CSMD1: variants seen among roughly 807,000 people sequenced by gnomAD.
CSMD1 encodes the protein CUB and sushi domain-containing protein 1.
CSMD1 carries 213 observed loss-of-function variants against 417.5 expected under a neutral mutation model. The observed-to-expected ratio is 0.51, with a 90% CI of 0.46 to 0.57. The LOEUF is 0.57. Ranked by LOEUF, CSMD1 falls within the 20% of genes least tolerant of loss-of-function variation. The pLI, the probability that CSMD1 is intolerant of heterozygous loss-of-function variation, is 0.00. For missense variants in CSMD1, 6,923 were observed against 4,529.7 expected, an observed-to-expected ratio of 1.53 and a Z score of -15.17; for synonymous variants, 2,862 against 1,736.8, an observed-to-expected ratio of 1.65 and a Z score of -16.11.
intron 5 of CSMD1, among the ~76,000 whole-genome samples, chr8:3,797,957 T>C (rs1379871460): frequency 6.6e-6 from 1 of 152,044 alleles, no homozygotes; most frequent in Non-Finnish European, 1.5e-5. Flanking sequence ...CTCATAACTA[T>C]TTACTGGCAT....
chr8:4,921,396 C>A (rs1157945399), intron 1 of CSMD1, among the ~76,000 whole-genome samples: 1 of 152,068 alleles, frequency 6.6e-6, no homozygotes, highest in Non-Finnish European at 1.5e-5. Context: ...TAATATGAAA[C>A]ATGTATAATG....
At chr8:4,255,744 A>T (rs554301339) in intron 3 of CSMD1, among the ~76,000 whole-genome samples, 1 of 152,346 alleles carries the variant, frequency 6.6e-6, no homozygotes, top group South Asian at 2.1e-4. Context: ...GCATAGACTT[A>T]AACAAAAGTT....
chr8:3,673,815 A>T (rs546833644), intron 7 of CSMD1, among the ~76,000 whole-genome samples: 2 of 152,282 alleles, frequency 1.3e-5, no homozygotes, highest in East Asian at 1.9e-4. Context: ...GCAACACGCC[A>T]TCATTAGGAA....
intron 10 of CSMD1, among the ~76,000 whole-genome samples, chr8:3,499,414 T>A (rs764785195): frequency 3.1e-4 from 47 of 151,582 alleles, no homozygotes; most frequent in Non-Finnish European, 5.2e-4. Context: ...GTGGAATGAG[T>A]TTTCTGGCAG....
chr8:4,121,075 G>A (rs781497343), intron 3 of CSMD1, among the ~76,000 whole-genome samples: 1 of 151,758 alleles, frequency 6.6e-6, no homozygotes, highest in African/African-American at 2.4e-5. Flanking sequence ...GGGTCTGTTT[G>A]TCAAGGTATT....
intron 3 of CSMD1, among the ~76,000 whole-genome samples, chr8:4,287,816 C>T (rs143644501): frequency 4.0e-4 from 61 of 152,094 alleles, no homozygotes; most frequent in African/African-American, 1.4e-3. Context: ...CTCTCTGTGG[C>T]CCACTGAATG....
At chr8:4,301,882 G>GATGT (rs34638550) in intron 3 of CSMD1, among the ~76,000 whole-genome samples, 113,315 of 151,902 alleles carry the variant, frequency 0.75, 42,493 homozygotes, top group East Asian at 0.85. Context: ...CCATAAATTT[G>GATGT]TTGTTCTCAC....
chr8:4,449,700 G>A (rs972541347), intron 2 of CSMD1, among the ~76,000 whole-genome samples: 4 of 152,106 alleles, frequency 2.6e-5, no homozygotes, highest in Non-Finnish European at 4.4e-5. Context: ...GGGAGAGAGA[G>A]GGAGTATGGG....
chr8:4,050,459 T>G (rs1798367316), intron 3 of CSMD1, among the ~76,000 whole-genome samples: 1 of 152,204 alleles, frequency 6.6e-6, no homozygotes, highest in African/African-American at 2.4e-5. Context: ...GTACATATTT[T>G]GATACAGGCA....
At chr8:4,022,678 G>T (rs1439177027) in intron 4 of CSMD1, among the ~76,000 whole-genome samples, 1 of 152,114 alleles carries the variant, frequency 6.6e-6, no homozygotes, top group Non-Finnish European at 1.5e-5. Context: ...GTAGATTTGG[G>T]GGAAATGAAG....
At chr8:4,836,428 G>T (rs1337340322) in intron 1 of CSMD1, among the ~76,000 whole-genome samples, 1 of 152,302 alleles carries the variant, frequency 6.6e-6, no homozygotes, top group South Asian at 2.1e-4. Context: ...CCAGGGGGAA[G>T]AGATTTGTCC....
rs192249739 is a variant in CSMD1 at position 4,177,929 on chromosome 8, C to A, written c.416-145830G>T. ...CCAATAACAGGATCTGAAATTGTGG[C>A]AACAATCAATAGCTTATCAACCAAA... On this transcript the variant is annotated intron_variant, in intron 3 of 69. Transcript: ENST00000635120. 6.2e-3 allele frequency among the ~76,000 whole-genome samples: 940 copies of A among 151,922 alleles called. 11 individuals are homozygous for A. The highest frequency in any genetic ancestry group is 0.021 in the African/African-American group (860 of 41,418).
chr8:3,999,826 T>C (rs1021755833), intron 4 of CSMD1, among the ~76,000 whole-genome samples: 3 of 152,286 alleles, frequency 2.0e-5, no homozygotes, highest in Non-Finnish European at 2.9e-5. Flanking sequence ...CATGTTTTAA[T>C]AGTTAGCCAG....
chr8:3,910,977 G>C (rs961623295), intron 5 of CSMD1, among the ~76,000 whole-genome samples: 2 of 152,172 alleles, frequency 1.3e-5, no homozygotes, highest in African/African-American at 2.4e-5. Flanking sequence ...TATTTCTGTA[G>C]CTATTACAAG....
At chr8:3,606,892 TG>T (rs1377722240) in intron 8 of CSMD1, among the ~76,000 whole-genome samples, 1 of 151,876 alleles carries the variant, frequency 6.6e-6, no homozygotes, top group East Asian at 1.9e-4. Flanking sequence ...TTTGTATTTT[TG>T]TAGAGACAGG....
intron 5 of CSMD1, among the ~76,000 whole-genome samples, chr8:3,857,517 G>A (rs950838959): frequency 3.9e-5 from 6 of 152,180 alleles, no homozygotes; most frequent in Non-Finnish European, 7.3e-5. Context: ...AATAGTAGAT[G>A]ATTTGCTTAA....
At chr8:4,206,611 G>C (rs1799996762) in intron 3 of CSMD1, among the ~76,000 whole-genome samples, 1 of 152,138 alleles carries the variant, frequency 6.6e-6, no homozygotes, top group African/African-American at 2.4e-5. Context: ...TTGGTTCCAA[G>C]CTTTGCTACT....
intron 1 of CSMD1, among the ~76,000 whole-genome samples, chr8:4,660,794 A>G (rs1412834600): frequency 6.6e-6 from 1 of 152,044 alleles, no homozygotes; most frequent in Non-Finnish European, 1.5e-5. Flanking sequence ...CAACAATCCA[A>G]TTAGAAAATG....
At chr8:4,583,623 G>A (rs923021812) in intron 2 of CSMD1, among the ~76,000 whole-genome samples, 27 of 152,158 alleles carry the variant, frequency 1.8e-4, no homozygotes, top group Admixed American at 1.6e-3. Flanking sequence ...CTGCTCTGGT[G>A]GGGCCTTGGA....
Sources: allele counts gnomAD v4.1 joint callset (sites outside exome capture counted in the v4.1 genomes callset), GRCh38; gene constraint gnomAD v4.1.1; transcripts MANE v1.5; gene names NCBI Gene and HGNC (gene_info 2026-07-23, HGNC 2026-07-21).